Variants in MAP3K20 observed in about 807,000 individuals in gnomAD.
The protein encoded by MAP3K20 is mitogen-activated protein kinase kinase kinase 20, also known as HCCS-4.
A neutral mutation model predicts 85.7 loss-of-function variants in MAP3K20; 40 were observed. The observed-to-expected ratio is 0.47, with a 90% CI of 0.36 to 0.61. The LOEUF (loss-of-function observed/expected upper bound fraction) is 0.61, where lower values mean the gene tolerates loss of function less well. Ranked by LOEUF, MAP3K20 falls within the 20% of genes least tolerant of loss-of-function variation. The pLI, the probability that MAP3K20 is intolerant of heterozygous loss-of-function variation, is 0.00. For missense variants in MAP3K20, 817 were observed against 961.7 expected (o/e 0.85, Z 1.99); for synonymous variants, 325 against 327.7 (o/e 0.99, Z 0.09).
intron 11 of MAP3K20, chr2:173,225,107 G>A (rs1684347920): frequency 1.0e-6 from 1 of 968,712 alleles, no homozygotes; most frequent in Non-Finnish European, 1.2e-6. Context: ...AATTCATAAA[G>A]TTATCTTGTA....
In MAP3K20 at chr2:173,266,536, T is replaced by C; in HGVS notation, c.2189T>C (p.Phe730Ser). 6.2e-7 allele frequency: 1 copy of C among 1,613,836 alleles called. No homozygotes were observed. The highest frequency in any genetic ancestry group is 8.5e-7 in the Non-Finnish European group (1 of 1,179,902). ...SALNPHQSPDFKRSPRDLHQP... is the reference protein window; with the variant it reads ...SALNPHQSPDSKRSPRDLHQP... ...CTCAATCCTCACCAGTCGCCTGACT[T>C]CAAGAGAAGCCCCAGGGACCTCCAC... The change falls in exon 20 of 20, where the codon TTC becomes TCC. Residue 730 changes from phenylalanine (F) to serine (S), a missense_variant. Physicochemically the swap from Phe to Ser is radical, Grantham distance 155. This residue lies in a region of MAP3K20 where 454 missense variants were observed against 476.9 expected (regional missense o/e 0.95). Coordinates refer to ENST00000375213, the MANE Select transcript of MAP3K20 (RefSeq NM_016653.3).
intron 3 of MAP3K20, among the ~76,000 whole-genome samples, chr2:173,176,568 AAATC>A (rs748046780): frequency 4.6e-5 from 7 of 152,140 alleles, no homozygotes; most frequent in Admixed American, 2.6e-4. Flanking sequence ...AATATAATAA[AAATC>A]AATCAAGGAT....
intron 2 of MAP3K20, among the ~76,000 whole-genome samples, chr2:173,118,302 A>C (rs1688181595): frequency 6.6e-6 from 1 of 152,276 alleles, no homozygotes; most frequent in South Asian, 2.1e-4. Flanking sequence ...CACTAACATT[A>C]ATGGATCTAG....
At chr2:173,084,592 G>T (rs1413618038) in intron 1 of MAP3K20, among the ~76,000 whole-genome samples, 3 of 151,994 alleles carry the variant, frequency 2.0e-5, no homozygotes, top group African/African-American at 7.3e-5. Flanking sequence ...GCAAAGAGAG[G>T]GAAAGGATTC....
chr2:173,231,039 T>C (rs78550219), intron 12 of MAP3K20, among the ~76,000 whole-genome samples: 1,935 of 152,264 alleles, frequency 0.013, 36 homozygotes, highest in African/African-American at 0.044. Context: ...CAGGGACTTA[T>C]GCTATCCAGG....
chr2:173,173,294 C>A (rs1574077998), intron 3 of MAP3K20, among the ~76,000 whole-genome samples: 1 of 151,530 alleles, frequency 6.6e-6, no homozygotes, highest in African/African-American at 2.4e-5. Flanking sequence ...TTGTAGCAAG[C>A]CAGATTGGAG....
At chr2:173,091,323 C>A in intron 2 of MAP3K20, 133 bp downstream of exon 2, 1 of 842,350 alleles carries the variant, frequency 1.2e-6, no homozygotes, top group Non-Finnish European at 1.7e-6. Flanking sequence ...GGCCGTTTCC[C>A]AATTTCCATT....
At chr2:173,265,854 T>C (rs1369102482) in intron 19 of MAP3K20, among the ~76,000 whole-genome samples, 196 bp from the exon 20 acceptor site, 3 of 152,200 alleles carry the variant, frequency 2.0e-5, no homozygotes, top group African/African-American at 7.2e-5. Context: ...ATAGCATATA[T>C]TGAATAAGTG....
chr2:173,087,328 A>G (rs1279247725), intron 1 of MAP3K20, among the ~76,000 whole-genome samples: 2 of 152,234 alleles, frequency 1.3e-5, no homozygotes, highest in Admixed American at 6.5e-5. Context: ...AGAGAAAAGT[A>G]TTTGAAGCAG....
chr2:173,190,770 A>T, intron 5 of MAP3K20, 125 bp from the exon 6 acceptor site: 1 of 922,274 alleles, frequency 1.1e-6, no homozygotes, highest in Non-Finnish European at 1.6e-6. Flanking sequence ...TGCTGTAAAT[A>T]CATTGATTTC....
At chr2:173,264,859 G>T (rs1025198161) in intron 19 of MAP3K20, among the ~76,000 whole-genome samples, 1 of 152,174 alleles carries the variant, frequency 6.6e-6, no homozygotes, top group South Asian at 2.1e-4. Context: ...GGGGAGAAGG[G>T]AGGGGAAATG....
In MAP3K20 at chr2:173,077,806, A is replaced by G. The variant is rs558135935; in HGVS notation, c.-35+1804A>G. 3.3e-5 allele frequency among the ~76,000 whole-genome samples: 5 copies of G among 152,370 alleles called. No homozygotes were observed. In the East Asian group the frequency reaches 9.6e-4, roughly 29 times the overall value. On this transcript the variant is annotated intron_variant, in intron 1 of 19. Coordinates refer to ENST00000375213, the MANE Select transcript of MAP3K20 (RefSeq NM_016653.3). ...AGTAAAGAGAGAAAAAAAAATCCAA[A>G]TATTAAACACTCGGACTTGGATCTA...
intron 2 of MAP3K20, among the ~76,000 whole-genome samples, chr2:173,129,556 A>G (rs1023686657): frequency 6.6e-6 from 1 of 152,234 alleles, no homozygotes; most frequent in Admixed American, 6.5e-5. Flanking sequence ...ACATCTGAAG[A>G]AACTGAGACA....
intron 12 of MAP3K20, among the ~76,000 whole-genome samples, chr2:173,230,234 T>C (rs1684490871): frequency 6.6e-6 from 1 of 152,024 alleles, no homozygotes; most frequent in Non-Finnish European, 1.5e-5. Flanking sequence ...CCTAAATTAC[T>C]CTGAAACTAT....
chr2:173,105,317 A>G (rs1282287602), intron 2 of MAP3K20, among the ~76,000 whole-genome samples: 1 of 152,188 alleles, frequency 6.6e-6, no homozygotes, highest in Non-Finnish European at 1.5e-5. Context: ...TTGCTCACTG[A>G]TTGGCCATGG....
chr2:173,154,061 A>G (rs1048039886), intron 2 of MAP3K20, among the ~76,000 whole-genome samples: 4 of 152,132 alleles, frequency 2.6e-5, no homozygotes, highest in African/African-American at 2.4e-5. Flanking sequence ...TAGCAGTCAC[A>G]CTGCTGTGTG....
At position 173,090,910 on chromosome 2, in the gene MAP3K20, C is replaced by T. The variant is rs1383397877; in HGVS notation, c.-34-88C>T. On this transcript the variant is annotated intron_variant, in intron 1 of 19. Transcript: ENST00000375213. Reference sequence around the variant, plus strand: ...GACTTTCTGGAAGTTTCACAGGACTCGTTCATGATATATTATCTAAAGTAG... The same window carrying T: ...GACTTTCTGGAAGTTTCACAGGACTTGTTCATGATATATTATCTAAAGTAG... 8.6e-6 allele frequency: 12 copies of T among 1,403,194 alleles called. No individual in the cohort carries two copies. In the African/African-American group the frequency reaches 1.0e-4, roughly 12 times the overall value. 86.9% of individuals were successfully genotyped at this position (1,403,194 alleles called of 1,614,324 possible). A position where few individuals can be genotyped will look rare whatever the true frequency, so the allele number is the denominator to read the frequency against.
chr2:173,220,370 C>A (rs570359230), intron 11 of MAP3K20, among the ~76,000 whole-genome samples: 1 of 151,984 alleles, frequency 6.6e-6, no homozygotes, highest in African/African-American at 2.4e-5. Context: ...GAAAAAAGTT[C>A]GGTTGAAAGA....
rs182320962 is a variant in MAP3K20 at position 173,105,509 on chromosome 2, G to T, written c.159+14319G>T. Among the ~76,000 whole-genome samples the T allele has an allele frequency of 5.2e-3, 794 of 152,254 alleles. 5 individuals carry two copies. The highest frequency in any genetic ancestry group is 8.7e-3 in the Non-Finnish European group (592 of 68,014). ...ACCATTTACAATGCAATAAAAATATGAAATACTTGGAAGCAACCTAAATGT... is the reference window on the plus strand; with the variant it reads ...ACCATTTACAATGCAATAAAAATATTAAATACTTGGAAGCAACCTAAATGT... On this transcript the variant is annotated intron_variant, in intron 2 of 19. Coordinates refer to ENST00000375213, the MANE Select transcript of MAP3K20 (RefSeq NM_016653.3).
Sources: gnomAD v4.1 joint callset for allele counts (sites outside exome capture counted in the v4.1 genomes callset) on GRCh38, gnomAD v4.1.1 for gene constraint, gnomAD v4.1.1 regional missense constraint, MANE v1.5 for transcripts, NCBI Gene and HGNC (gene_info 2026-07-23, HGNC 2026-07-21) for gene names.